Variants in TBXAS1 observed in about 807,000 individuals in gnomAD.
TBXAS1 encodes the protein thromboxane A synthase 1, also known as thromboxane-A synthase.
Under a neutral mutation model 60.7 loss-of-function variants are expected in TBXAS1, and 48 were observed. The ratio of observed to expected loss-of-function variants is 0.79; its 90% CI spans 0.63 to 1.01. The LOEUF (loss-of-function observed/expected upper bound fraction) is 1.01, where lower values mean the gene tolerates loss of function less well. TBXAS1 is among the 50% of genes least tolerant of loss of function. TBXAS1 has a pLI of 0.00. For synonymous variants in TBXAS1, 287 were observed against 269.7 expected (o/e 1.06, Z -0.63); for missense variants, 685 against 686.3 (o/e 1.00, Z 0.02).
intron 4 of TBXAS1, among the ~76,000 whole-genome samples, chr7:139,793,913 C>T (rs906161953): frequency 2.6e-5 from 4 of 152,086 alleles, no homozygotes; most frequent in South Asian, 2.1e-4. Flanking sequence ...TCAGGGTTCA[C>T]GGTTTCATAT....
intron 1 of TBXAS1, among the ~76,000 whole-genome samples, chr7:139,867,053 A>G (rs1435359842): frequency 6.6e-6 from 1 of 152,226 alleles, no homozygotes; most frequent in African/African-American, 2.4e-5. Context: ...ATGATGTTTA[A>G]TGGAATTGCT....
At chr7:139,977,622 A>G (rs946216794) in intron 9 of TBXAS1, among the ~76,000 whole-genome samples, 1 of 152,044 alleles carries the variant, frequency 6.6e-6, no homozygotes, top group Admixed American at 6.5e-5. Context: ...ATTAAGAGGA[A>G]ATGCTTCTGG....
intron 4 of TBXAS1, among the ~76,000 whole-genome samples, chr7:139,918,678 G>A (rs540076295): frequency 2.6e-5 from 4 of 152,312 alleles, no homozygotes; most frequent in African/African-American, 4.8e-5. Flanking sequence ...CTGGAACTCC[G>A]TCAGGCAGGA....
upstream of TBXAS1, among the ~76,000 whole-genome samples, chr7:139,828,869 G>T (rs191869665): frequency 2.0e-3 from 300 of 152,282 alleles, no homozygotes; most frequent in African/African-American, 6.8e-3. Flanking sequence ...TTTTGATCAG[G>T]CTGGCGTCTG....
intron 1 of TBXAS1, among the ~76,000 whole-genome samples, chr7:139,848,641 C>T (rs1799991605): frequency 2.0e-5 from 3 of 152,152 alleles, no homozygotes; most frequent in African/African-American, 7.2e-5. Flanking sequence ...CTGCTCCTGA[C>T]AGGTCACAGG....
At chr7:139,855,422 A>G (rs1800512839) in intron 1 of TBXAS1, among the ~76,000 whole-genome samples, 1 of 152,020 alleles carries the variant, frequency 6.6e-6, no homozygotes, top group Non-Finnish European at 1.5e-5. Flanking sequence ...ACTGGATGTC[A>G]GGCGTGGGCT....
At chr7:139,853,404 C>T (rs1185591018) in intron 1 of TBXAS1, among the ~76,000 whole-genome samples, 5 of 152,158 alleles carry the variant, frequency 3.3e-5, no homozygotes, top group Admixed American at 6.5e-5. Context: ...AGCCTGGGTT[C>T]GAATCTCAGC....
At chr7:139,821,722 C>G (rs146695765) in intron 4 of TBXAS1, among the ~76,000 whole-genome samples, 7 of 152,200 alleles carry the variant, frequency 4.6e-5, no homozygotes, top group African/African-American at 1.7e-4. Context: ...AGTCCAAACC[C>G]GAGTCTTCTT....
chr7:139,789,204 T>C (rs1056606462), intron 4 of TBXAS1: 2 of 149,620 alleles, frequency 1.3e-5, no homozygotes, highest in Non-Finnish European at 2.9e-5. Context: ...ATACATTTAA[T>C]ATGTTTAATC....
At chr7:139,833,739 C>T (rs184291414) in intron 1 of TBXAS1, among the ~76,000 whole-genome samples, 10 of 151,996 alleles carry the variant, frequency 6.6e-5, no homozygotes, top group Admixed American at 1.3e-4. Flanking sequence ...TGGTAAAAGG[C>T]CTTGTCCAAC....
chr7:139,985,346 G>C (rs1173224647), intron 9 of TBXAS1, among the ~76,000 whole-genome samples: 2 of 152,224 alleles, frequency 1.3e-5, no homozygotes, highest in South Asian at 2.1e-4. Flanking sequence ...CCTCTAGAGG[G>C]TGACATGCCT....
At chr7:139,897,711 C>T (rs1323797372) in intron 3 of TBXAS1, among the ~76,000 whole-genome samples, 2 of 152,146 alleles carry the variant, frequency 1.3e-5, no homozygotes, top group East Asian at 3.8e-4. Context: ...AGCGCTGGTT[C>T]GGTCCATTGA....
In TBXAS1 at chr7:139,975,417, T is replaced by G. The variant is rs1365068503; in HGVS notation, c.1134+13184T>G. Among the ~76,000 whole-genome samples the G allele has an allele frequency of 2.6e-5, 4 of 152,180 alleles. No homozygotes were observed. The highest frequency in any genetic ancestry group is 5.9e-5 in the Non-Finnish European group (4 of 68,034). On this transcript the variant is annotated intron_variant, in intron 9 of 12. Transcript: ENST00000448866. The surrounding 1 kb of genome is among the most constrained non-coding windows in gnomAD (Gnocchi z 4.4). ...ATTCTTTTCAACCTTGTCTCTAATA[T>G]TCCATGATTCCATGGTTCTGATGCC...
chr7:139,829,697 G>A (rs1471527197), intron 1 of TBXAS1, among the ~76,000 whole-genome samples: 1 of 152,216 alleles, frequency 6.6e-6, no homozygotes, highest in Admixed American at 6.5e-5. Context: ...GTGATTCAGT[G>A]ACTGAGAACG....
chr7:139,807,991 T>C (rs546922869), intron 4 of TBXAS1, among the ~76,000 whole-genome samples: 3 of 152,296 alleles, frequency 2.0e-5, no homozygotes, highest in African/African-American at 4.8e-5. Context: ...AGATGTTCAA[T>C]AGCCACCATT....
chr7:139,915,280 A>G (rs1050598079), intron 4 of TBXAS1, among the ~76,000 whole-genome samples: 1 of 152,186 alleles, frequency 6.6e-6, no homozygotes, highest in Non-Finnish European at 1.5e-5. Context: ...TATCTGCTCA[A>G]AGAACTCAAG....
chr7:140,002,473 T>C (rs764269942), intron 9 of TBXAS1, among the ~76,000 whole-genome samples: 1 of 152,258 alleles, frequency 6.6e-6, no homozygotes, highest in Admixed American at 6.5e-5. Context: ...TGTTGCCCTC[T>C]GCTGGCAGAA....
Position 139,980,289 on chromosome 7 carries a change from ATC to A in TBXAS1, c.1134+18058_1134+18059del, listed in dbSNP as rs539068599. 9.7e-3 allele frequency among the ~76,000 whole-genome samples: 1,470 copies of A among 152,242 alleles called. 23 individuals carry two copies. Among genetic ancestry groups the A allele is most frequent in the African/African-American group, 0.034 (1,424 of 41,528 alleles). On this transcript the variant is annotated intron_variant, in intron 9 of 12. Transcript: ENST00000448866. Reference sequence around the variant, plus strand: ...GATGAAACATCACCCCTACCTCCACATCTTATTTCCTGTATCAAATTTCGAAG... The same window carrying A: ...GATGAAACATCACCCCTACCTCCACATTATTTCCTGTATCAAATTTCGAAG...
At chr7:139,984,727 A>AAG (rs1812265025) in intron 9 of TBXAS1, among the ~76,000 whole-genome samples, 1 of 147,786 alleles carries the variant, frequency 6.8e-6, no homozygotes, top group Non-Finnish European at 1.5e-5. Context: ...GAAGGAAAAG[A>AAG]AAGAAAGAAA....
Sources: gnomAD v4.1 joint callset for allele counts (sites outside exome capture counted in the v4.1 genomes callset) on GRCh38, gnomAD v4.1.1 for gene constraint, Gnocchi (gnomAD v3.1) non-coding constraint, MANE v1.5 for transcripts, NCBI Gene and HGNC (gene_info 2026-07-23, HGNC 2026-07-21) for gene names.